The following PRKN variants were observed in gnomAD, a reference collection of about 807,000 sequenced individuals.
PRKN encodes the protein parkin RBR E3 ubiquitin protein ligase.
Under a neutral mutation model 59.5 loss-of-function variants are expected in PRKN, and 56 were observed. The observed-to-expected ratio is 0.94, with a 90% CI of 0.76 to 1.18. PRKN has a LOEUF of 1.18. Ranked by LOEUF, PRKN falls within the 50% of genes most tolerant of loss-of-function variation. The pLI, the probability that PRKN is intolerant of heterozygous loss-of-function variation, is 0.00. For missense variants in PRKN, 657 were observed against 596.4 expected, an observed-to-expected ratio of 1.10 and a Z score of -1.06; for synonymous variants, 250 against 222.1, an observed-to-expected ratio of 1.13 and a Z score of -1.12.
chr6:161,979,109 C>T (rs1219051690), intron 5 of PRKN, among the ~76,000 whole-genome samples: 1 of 152,032 alleles, frequency 6.6e-6, no homozygotes, highest in Admixed American at 6.6e-5. Context: ...TCTGGGAAAC[C>T]TTAATTAGCG....
chr6:162,577,360 G>A (rs1182196050), intron 1 of PRKN, among the ~76,000 whole-genome samples: 3 of 151,554 alleles, frequency 2.0e-5, no homozygotes, highest in African/African-American at 7.3e-5. Context: ...AGCACTTTGG[G>A]AGGCCGAGGC....
chr6:161,896,065 G>A (rs9355954), intron 6 of PRKN, among the ~76,000 whole-genome samples: 34,478 of 152,166 alleles, frequency 0.23, 4,552 homozygotes, highest in Admixed American at 0.33. Context: ...ACTAAAGTGC[G>A]GGTGAAGCAG....
chr6:162,507,801 T>C (rs1254577981), intron 1 of PRKN, among the ~76,000 whole-genome samples: 1 of 152,196 alleles, frequency 6.6e-6, no homozygotes, highest in African/African-American at 2.4e-5. Flanking sequence ...ATTCACAGGA[T>C]TATCCTTGGC....
chr6:161,543,927 G>A (rs934393879), intron 9 of PRKN, among the ~76,000 whole-genome samples: 2 of 152,126 alleles, frequency 1.3e-5, no homozygotes, highest in East Asian at 1.9e-4. Flanking sequence ...AAGTTTGTGA[G>A]ATAGTTCTGA....
At chr6:161,771,370 AAT>A (rs1211639381) in intron 7 of PRKN, among the ~76,000 whole-genome samples, 2 of 19,052 alleles carry the variant, frequency 1.0e-4, no homozygotes, top group Admixed American at 4.3e-4. Flanking sequence ...AAAAAAAAAA[AAT>A]AAAATAAAAT....
chr6:162,338,515 A>T (rs991468567), intron 2 of PRKN, among the ~76,000 whole-genome samples: 1 of 152,144 alleles, frequency 6.6e-6, no homozygotes. Context: ...CGGCCTCCCG[A>T]GGTGCCGGGA....
Position 161,548,901 on chromosome 6 carries a change from C to G in PRKN, c.1036G>C (p.Asp346His). 1 of 1,614,170 alleles carries G rather than the reference C, an allele frequency of 6.2e-7. No homozygotes were observed. Residue 346 changes from aspartate to histidine, a missense_variant, in exon 9 of 12, where the codon GAC becomes CAC. Transcript: ENST00000366898. This position sits in a 1 kb window ranked among gnomAD's most constrained non-coding sequence, Gnocchi z 4.2. ...CCTTCGCAGGTGACTTTCCTCTGGTCAGGCTCCGGCAGCAGCCCCGCTCCA... is the reference window on the plus strand; with the variant it reads ...CCTTCGCAGGTGACTTTCCTCTGGTGAGGCTCCGGCAGCAGCCCCGCTCCA... The part of the protein sequence containing the change: ...GCGAGLLPEP[D>H]QRKVTCEGGN...
At chr6:162,080,996 C>A (rs1754204101) in intron 4 of PRKN, among the ~76,000 whole-genome samples, 2 of 152,200 alleles carry the variant, frequency 1.3e-5, no homozygotes, top group South Asian at 4.1e-4. Flanking sequence ...CCATAAGAAG[C>A]AACTCCTCAT....
intron 2 of PRKN, among the ~76,000 whole-genome samples, chr6:162,292,239 C>G (rs1333302379): frequency 6.6e-6 from 1 of 152,136 alleles, no homozygotes; most frequent in Non-Finnish European, 1.5e-5. Flanking sequence ...GCTGGGATTA[C>G]AGGTGTGAGC....
chr6:162,617,614 C>G (rs1782485722), intron 1 of PRKN, among the ~76,000 whole-genome samples: 1 of 152,050 alleles, frequency 6.6e-6, no homozygotes, highest in Admixed American at 6.6e-5. Context: ...ACCCTTTGAC[C>G]AACATCTCCC....
intron 4 of PRKN, among the ~76,000 whole-genome samples, chr6:162,096,234 T>C (rs1029642468): frequency 6.6e-6 from 1 of 152,166 alleles, no homozygotes. Context: ...CCTTCTAGAA[T>C]GTCCAGGCTG....
rs370562140 is a variant in PRKN, at chr6:162,667,202, C to T, written c.7+60460G>A. ...TATTGGCACAGATTATATTTCTGTG[C>T]GTGACAAATTTACCTTAGCAATTTG... is the stretch of plus-strand genomic sequence containing the variant. On this transcript the variant is annotated intron_variant, in intron 1 of 11. Coordinates refer to ENST00000366898, the MANE Select transcript of PRKN (RefSeq NM_004562.3). Among the ~76,000 whole-genome samples, 7 of 152,056 alleles carry T rather than the reference C, an allele frequency of 4.6e-5. No individual in the cohort carries two copies. In the East Asian group the frequency reaches 9.7e-4, roughly 21 times the overall value.
intron 9 of PRKN, among the ~76,000 whole-genome samples, chr6:161,541,383 T>C (rs1358281561): frequency 6.6e-6 from 1 of 152,192 alleles, no homozygotes; most frequent in Non-Finnish European, 1.5e-5. Flanking sequence ...ACAGAAACAA[T>C]GCAATCTTCA....
At chr6:162,351,225 A>C (rs554463314) in intron 2 of PRKN, among the ~76,000 whole-genome samples, 8 of 152,220 alleles carry the variant, frequency 5.3e-5, no homozygotes, top group African/African-American at 1.9e-4. Context: ...CAACCCAATA[A>C]AAAGTGGAAA....
rs1410278176 is a variant in PRKN at position 161,929,491 on chromosome 6, T to TGTTTA, written c.734+43806_734+43810dup. Among the ~76,000 whole-genome samples the TGTTTA allele has an allele frequency of 8.6e-5, 13 of 151,712 alleles. No homozygotes were observed. In the South Asian group the frequency reaches 2.5e-3, roughly 29 times the overall value. On this transcript the variant is annotated intron_variant, in intron 6 of 11. Transcript: ENST00000366898. ...TGCTACTGGATTGTTAATTCTAAAA[T>TGTTTA]GTTTAGTTTTATGTGAATTTCACCT...
At chr6:162,336,076 GAA>G (rs1205506253) in intron 2 of PRKN, among the ~76,000 whole-genome samples, 2 of 151,948 alleles carry the variant, frequency 1.3e-5, no homozygotes, top group African/African-American at 2.4e-5. Flanking sequence ...AAGGACAATG[GAA>G]TAGTTGGGCT....
intron 7 of PRKN, among the ~76,000 whole-genome samples, chr6:161,583,005 CACACACACACACACACAT>C (rs1212906591): frequency 2.9e-4 from 42 of 146,162 alleles, no homozygotes; most frequent in Middle Eastern, 6.9e-3. Context: ...CACACACACA[CACACACACACACACACAT>C]ACACATTTTG....
At chr6:162,052,622 A>G (rs1777687764) in intron 5 of PRKN, among the ~76,000 whole-genome samples, 1 of 152,162 alleles carries the variant, frequency 6.6e-6, no homozygotes, top group South Asian at 2.1e-4. Flanking sequence ...ATGACTGACT[A>G]CATTAAACAA....
At chr6:162,445,541 A>G (rs1790267999) in intron 1 of PRKN, among the ~76,000 whole-genome samples, 2 of 151,762 alleles carry the variant, frequency 1.3e-5, no homozygotes, top group South Asian at 4.2e-4. Context: ...TTTTTTAAAC[A>G]ATCAGCAGGG....
Sources: gnomAD v4.1 joint callset for allele counts (sites outside exome capture counted in the v4.1 genomes callset) on GRCh38, gnomAD v4.1.1 for gene constraint, Gnocchi (gnomAD v3.1) non-coding constraint, MANE v1.5 for transcripts, NCBI Gene and HGNC (gene_info 2026-07-23, HGNC 2026-07-21) for gene names.